ANK3: variants seen among roughly 807,000 people sequenced by gnomAD.
The protein encoded by ANK3 is ankyrin-3.
A neutral mutation model predicts 370.9 loss-of-function variants in ANK3; 57 were observed. The observed-to-expected ratio is 0.15, with a 90% CI of 0.12 to 0.19. The LOEUF is 0.19. Among genes scored for constraint, ANK3 ranks in the 10% least tolerant of loss-of-function variants. ANK3 has a pLI of 1.00. For synonymous variants in ANK3, 1,929 were observed against 1,946.3 expected (o/e 0.99, Z 0.23); for missense variants, 4,439 against 5,302.1 (o/e 0.84, Z 5.06).
chr10:60,628,677 T>TTAAA (rs570126825), intron 1 of ANK3, among the ~76,000 whole-genome samples: 10 of 152,112 alleles, frequency 6.6e-5, no homozygotes, highest in Admixed American at 1.3e-4. Context: ...AATTGGCAAG[T>TTAAA]TAAATAAATA....
intron 21 of ANK3, among the ~76,000 whole-genome samples, chr10:60,167,862 A>C (rs1176538785): frequency 6.6e-6 from 1 of 152,164 alleles, no homozygotes. Flanking sequence ...GAAATCAACC[A>C]TTATTTGATG....
rs192936314 is a variant in ANK3, at chr10:60,483,271, G to T, written c.96+131915C>A. Reference sequence around the variant, plus strand: ...GGAGGACAGAAGCATGAAATACCATGATTCATACTAAGCAAAGAGACTTCT... The same window carrying T: ...GGAGGACAGAAGCATGAAATACCATTATTCATACTAAGCAAAGAGACTTCT... On this transcript the variant is annotated intron_variant, in intron 2 of 43. Transcript: ENST00000373827. 2.0e-3 allele frequency among the ~76,000 whole-genome samples: 311 copies of T among 152,240 alleles called. 2 individuals carry two copies. The highest frequency in any genetic ancestry group is 7.2e-3 in the African/African-American group (299 of 41,544).
intron 2 of ANK3, among the ~76,000 whole-genome samples, chr10:60,574,268 G>A (rs992558393): frequency 1.3e-5 from 2 of 152,310 alleles, no homozygotes; most frequent in African/African-American, 4.8e-5. Flanking sequence ...GGCTGAGCAG[G>A]CCAAGCATAG....
At chr10:60,274,597 T>C (rs1380453) in intron 4 of ANK3, among the ~76,000 whole-genome samples, 72,763 of 151,824 alleles carry the variant, frequency 0.48, 17,663 homozygotes, top group East Asian at 0.65. Flanking sequence ...CCCTTGATTC[T>C]CCCTCTCCAG....
At chr10:60,205,516 T>A (rs1415769435) in intron 11 of ANK3, among the ~76,000 whole-genome samples, 1 of 152,188 alleles carries the variant, frequency 6.6e-6, no homozygotes, top group Non-Finnish European at 1.5e-5. Flanking sequence ...GGATTTGATA[T>A]AAATTATGCT....
At chr10:60,153,617 C>T (rs569539962) in intron 23 of ANK3, among the ~76,000 whole-genome samples, 2 of 152,214 alleles carry the variant, frequency 1.3e-5, no homozygotes, top group South Asian at 2.1e-4. Context: ...TGAAAATGTA[C>T]ATAGCTGGAT....
intron 1 of ANK3, among the ~76,000 whole-genome samples, chr10:60,324,668 C>CT (rs1446689427): frequency 6.6e-6 from 1 of 151,782 alleles, no homozygotes; most frequent in Non-Finnish European, 1.5e-5. Flanking sequence ...AATTTTTTTT[C>CT]TTTTTTTGGA....
chr10:60,463,957 C>T (rs540017913), intron 2 of ANK3, among the ~76,000 whole-genome samples: 1 of 152,116 alleles, frequency 6.6e-6, no homozygotes, highest in South Asian at 2.1e-4. Flanking sequence ...ATGCTGTCTT[C>T]TTTGCCAAGA....
chr10:60,161,672 T>A (rs1481786522), intron 23 of ANK3, among the ~76,000 whole-genome samples: 3 of 151,722 alleles, frequency 2.0e-5, no homozygotes, highest in Non-Finnish European at 4.4e-5. Context: ...CACTCATATG[T>A]GGGAACTGAA....
chr10:60,390,299 A>C (rs576720639), upstream of ANK3, among the ~76,000 whole-genome samples: 14 of 152,292 alleles, frequency 9.2e-5, no homozygotes, highest in African/African-American at 3.4e-4. Context: ...CAACATGCTG[A>C]TTACAACACA....
At chr10:60,129,960 A>G (rs540420006) in intron 25 of ANK3, among the ~76,000 whole-genome samples, 1 of 152,350 alleles carries the variant, frequency 6.6e-6, no homozygotes, top group South Asian at 2.1e-4. Flanking sequence ...ATTGCTGTGG[A>G]AAGGCTACAT....
intron 1 of ANK3, among the ~76,000 whole-genome samples, chr10:60,351,689 A>G (rs921405061): frequency 6.6e-6 from 1 of 152,218 alleles, no homozygotes; most frequent in Non-Finnish European, 1.5e-5. Context: ...GCTACCTACA[A>G]TTCAGACTCT....
In ANK3 at chr10:60,157,886, A is replaced by AAGAGAGAGAG. The variant is rs59965251; in HGVS notation, c.2614+8695_2614+8704dup. Among the ~76,000 whole-genome samples the AAGAGAGAGAG allele has an allele frequency of 3.7e-3, 489 of 132,840 alleles. 2 individuals are homozygous for AAGAGAGAGAG. The highest frequency in any genetic ancestry group is 0.017 in the South Asian group (62 of 3,704). 87.1% of individuals were successfully genotyped at this position (132,840 alleles called of 152,430 possible). Reference sequence around the variant, plus strand: ...GGAGAGACAGAGAGAGAGAGAGAAAAAGAGAGAGAGAGAGAGAGAGAGAGA... The same window carrying AAGAGAGAGAG: ...GGAGAGACAGAGAGAGAGAGAGAAAAAGAGAGAGAGAGAGAGAGAGAGAGAGAGAGAGAGA... On this transcript the variant is annotated intron_variant, in intron 23 of 43. Coordinates refer to ENST00000280772, the MANE Select transcript of ANK3 (RefSeq NM_020987.5).
intron 1 of ANK3, among the ~76,000 whole-genome samples, chr10:60,324,833 T>C (rs2049447996): frequency 6.6e-6 from 1 of 152,202 alleles, no homozygotes; most frequent in Non-Finnish European, 1.5e-5. Context: ...TGGCCACTGC[T>C]ATATCCCTAG....
intron 2 of ANK3, among the ~76,000 whole-genome samples, chr10:60,566,227 G>A (rs1389684318): frequency 2.6e-5 from 4 of 152,062 alleles, no homozygotes; most frequent in African/African-American, 9.7e-5. Context: ...CCACTGACAT[G>A]TTCTTCTCTC....
At chr10:60,433,721 C>T (rs2064089778) in intron 2 of ANK3, among the ~76,000 whole-genome samples, 1 of 152,152 alleles carries the variant, frequency 6.6e-6, no homozygotes, top group Non-Finnish European at 1.5e-5. Flanking sequence ...TTGAAATAAT[C>T]GAATTTTGCT....
chr10:60,292,133 CA>C (rs2132758062), intron 1 of ANK3, among the ~76,000 whole-genome samples: 1 of 152,258 alleles, frequency 6.6e-6, no homozygotes, highest in East Asian at 1.9e-4. Flanking sequence ...ACAGACAGTT[CA>C]ACCTTAAAAT....
At position 60,073,201 on chromosome 10, in the gene ANK3, A is replaced by G. The variant is rs893326305; in HGVS notation, c.7680T>C (p.Thr2560=). 1.9e-6 allele frequency: 3 copies of G among 1,614,054 alleles called. No homozygotes were observed. Among genetic ancestry groups the G allele is most frequent in the Non-Finnish European group, 2.5e-6 (3 of 1,180,034 alleles). The part of the protein sequence containing the change: ...SPKHAMWMRF[T]EDRLDRGREK... ...CTCTACCTCTGTCTAATCTGTCCTC[A>G]GTAAAGCGCATCCACATGGCATGTT... is the stretch of plus-strand genomic sequence containing the variant. The change falls in exon 37 of 44, where the codon ACT becomes ACC. Residue 2560 remains threonine, a synonymous_variant. Coordinates refer to ENST00000280772, the MANE Select transcript of ANK3 (RefSeq NM_020987.5).
intron 7 of ANK3, among the ~76,000 whole-genome samples, chr10:60,251,198 T>G (rs1387483941): frequency 6.6e-6 from 1 of 152,176 alleles, no homozygotes; most frequent in Non-Finnish European, 1.5e-5. Context: ...TTTGTGTTGT[T>G]TTTTCCACCT....
Sources: allele counts gnomAD v4.1 joint callset (sites outside exome capture counted in the v4.1 genomes callset), GRCh38; gene constraint gnomAD v4.1.1; transcripts MANE v1.5; gene names NCBI Gene and HGNC (gene_info 2026-07-23, HGNC 2026-07-21).